RAI1: variants seen among roughly 807,000 people sequenced by gnomAD.
RAI1 encodes retinoic acid-induced protein 1.
RAI1 carries 9 observed loss-of-function variants against 123.8 expected under a neutral mutation model. The ratio of observed to expected loss-of-function variants is 0.07; its 90% CI spans 0.04 to 0.13. The LOEUF (loss-of-function observed/expected upper bound fraction) is 0.13, where lower values mean the gene tolerates loss of function less well. Ranked by LOEUF, RAI1 falls within the 10% of genes least tolerant of loss-of-function variation. The pLI, the probability that RAI1 is intolerant of heterozygous loss-of-function variation, is 1.00. For missense variants in RAI1, 2,256 were observed against 2,545.8 expected (o/e 0.89, Z 2.45); for synonymous variants, 1,231 against 1,127.3 (o/e 1.09, Z -1.84).
intron 2 of RAI1, among the ~76,000 whole-genome samples, chr17:17,730,975 GC>G (rs1273251239): frequency 1.7e-4 from 26 of 152,338 alleles, no homozygotes; most frequent in African/African-American, 6.3e-4. Flanking sequence ...CCGAGAGAGA[GC>G]CCTTTCTAGG....
chr17:17,796,024 C>T lies in RAI1; in HGVS notation c.3076C>T (p.Leu1026Phe). ...ACCAGTGCTGCCCAAAGACCTCTTG[C>T]TCCCTGAATCCTGCACAGGGCCCCC... ...RAPVLPKDLL[L>F]PESCTGPPQG... Residue 1026 changes from leucine (L) to phenylalanine (F), a missense_variant, in exon 3 of 6, where the codon CTC becomes TTC. Transcript: ENST00000353383. This position sits in a 1 kb window ranked among gnomAD's most constrained non-coding sequence, Gnocchi z 5.8. 6.3e-7 allele frequency: 1 copy of T among 1,592,366 alleles called. No homozygotes were observed. The highest frequency in any genetic ancestry group is 2.3e-5 in the East Asian group (1 of 43,982).
intron 2 of RAI1, among the ~76,000 whole-genome samples, chr17:17,754,178 C>T (rs1488368561): frequency 1.4e-5 from 2 of 145,152 alleles, no homozygotes; most frequent in Non-Finnish European, 3.0e-5. Context: ...TTATGCCATT[C>T]GCCTAACCCA....
intron 2 of RAI1, among the ~76,000 whole-genome samples, chr17:17,741,084 C>T (rs781035520): frequency 2.4e-4 from 18 of 73,884 alleles, no homozygotes; most frequent in Non-Finnish European, 4.9e-4. Flanking sequence ...TCAGCACAAG[C>T]GCGCGCGCAC....
Position 17,793,361 on chromosome 17 carries a change from T to A in RAI1, c.413T>A (p.Val138Glu), listed in dbSNP as rs1353030464. Residue 138 changes from valine to glutamate, a missense_variant, in exon 3 of 6, where the codon GTG becomes GAG. Val to Glu is a moderately radical substitution (Grantham distance 121, BLOSUM62 -2). This residue lies in a region of RAI1 where 336 missense variants were observed against 349.8 expected (regional missense o/e 0.96). Coordinates refer to ENST00000353383, the MANE Select transcript of RAI1 (RefSeq NM_030665.4). ...CAGCCGCAGCCACTACCTGCAGGGG[T>A]GGCCAAGTATGATGAGAACTTGATG... The part of the protein sequence containing the change: ...PPQPQPLPAG[V>E]AKYDENLMKK... 1 of 1,612,844 alleles carries A rather than the reference T, an allele frequency of 6.2e-7. No individual in the cohort carries two copies. Among genetic ancestry groups the A allele is most frequent in the Non-Finnish European group, 8.5e-7 (1 of 1,179,814 alleles).
At chr17:17,683,344 C>A (rs535448622) in intron 1 of RAI1, among the ~76,000 whole-genome samples, 1 of 152,188 alleles carries the variant, frequency 6.6e-6, no homozygotes, top group Admixed American at 6.5e-5. Flanking sequence ...GCCCCTGCCC[C>A]CCTCCATTCT....
chr17:17,690,125 C>G (rs1914787040), intron 1 of RAI1, among the ~76,000 whole-genome samples: 1 of 152,208 alleles, frequency 6.6e-6, no homozygotes, highest in Non-Finnish European at 1.5e-5. Flanking sequence ...TGGCTCACGC[C>G]TGCAATCCCA....
intron 2 of RAI1, among the ~76,000 whole-genome samples, chr17:17,730,919 C>T (rs1008309386): frequency 1.3e-5 from 2 of 152,230 alleles, no homozygotes; most frequent in African/African-American, 4.8e-5. Flanking sequence ...GGCCTTACTT[C>T]GGGCCCACTC....
At chr17:17,777,409 C>T (rs2031384573) in intron 2 of RAI1, 1 of 152,278 alleles carries the variant, frequency 6.6e-6, no homozygotes, top group Non-Finnish European at 1.5e-5. Flanking sequence ...CCGTTACCAA[C>T]TGCAAGATCT....
chr17:17,700,190 C>G (rs373451797), intron 1 of RAI1, among the ~76,000 whole-genome samples: 18 of 152,368 alleles, frequency 1.2e-4, no homozygotes, highest in African/African-American at 4.1e-4. Context: ...GAAAGCACAT[C>G]TGCTCTCTAG....
intron 2 of RAI1, among the ~76,000 whole-genome samples, chr17:17,724,545 C>T (rs900241769): frequency 2.0e-5 from 3 of 150,862 alleles, no homozygotes; most frequent in Non-Finnish European, 4.4e-5. Context: ...GCTGAGATGG[C>T]GGGGCTGGTG....
chr17:17,793,577 C>T lies in RAI1; in HGVS notation c.629C>T (p.Pro210Leu). 1 of 1,613,880 alleles carries T rather than the reference C, an allele frequency of 6.2e-7. No homozygotes were observed. Among genetic ancestry groups the T allele is most frequent in the Middle Eastern group, 1.6e-4 (1 of 6,062 alleles). ...PLPFPQGTHF[P>L]QHSQSFPTSS... ...CCCTTCCCCCAGGGTACCCACTTTC[C>T]TCAGCATTCCCAGTCCTTCCCCACC... The change falls in exon 3 of 6, where the codon CCT (proline) becomes CTT (leucine). Residue 210 changes from proline (P) to leucine (L), a missense_variant. This residue lies in a region of RAI1 where 336 missense variants were observed against 349.8 expected (regional missense o/e 0.96). Transcript: ENST00000353383.
In RAI1 at chr17:17,810,531, G is replaced by A. The variant is rs1419352837; in HGVS notation, c.*550G>A. 4 of 284,218 alleles carry A rather than the reference G, an allele frequency of 1.4e-5. No individual in the cohort carries two copies. The highest frequency in any genetic ancestry group is 9.2e-5 in the African/African-American group (4 of 43,304). 17.6% of individuals were successfully genotyped at this position (284,218 alleles called of 1,614,324 possible). A position where few individuals can be genotyped will look rare whatever the true frequency, so the allele number is the denominator to read the frequency against. On this transcript the variant is annotated 3_prime_UTR_variant, in exon 6 of 6. Coordinates refer to ENST00000353383, the MANE Select transcript of RAI1 (RefSeq NM_030665.4). The surrounding 1 kb of genome is among the most constrained non-coding windows in gnomAD (Gnocchi z 4.6). ...AGGAAGCCTTTCTGAGAGCGGGCTA[G>A]GCCGGCACTGGAGAGGCCGGAGCCT...
chr17:17,689,940 C>T (rs1914780576), intron 1 of RAI1, among the ~76,000 whole-genome samples: 1 of 152,148 alleles, frequency 6.6e-6, no homozygotes, highest in African/African-American at 2.4e-5. Context: ...GCCAAAGCCC[C>T]CCAACTCCTT....
chr17:17,684,247 A>G (rs772628970), intron 1 of RAI1: 7 of 152,194 alleles, frequency 4.6e-5, no homozygotes, highest in Non-Finnish European at 8.8e-5. Context: ...TAAGAAATAC[A>G]TCGTAGGTAA....
intron 1 of RAI1, among the ~76,000 whole-genome samples, chr17:17,722,873 C>G (rs1251835748): frequency 6.6e-6 from 1 of 152,200 alleles, no homozygotes; most frequent in Non-Finnish European, 1.5e-5. Context: ...CTACACGTCG[C>G]GCTGCGCCGC....
chr17:17,684,078 G>C (rs1250456079), intron 1 of RAI1: 1 of 151,562 alleles, frequency 6.6e-6, no homozygotes, highest in Non-Finnish European at 1.5e-5. Flanking sequence ...CAGGGGTCTT[G>C]CCATGGCTGG....
intron 1 of RAI1, among the ~76,000 whole-genome samples, chr17:17,711,803 C>G (rs774384974): frequency 1.3e-5 from 2 of 152,252 alleles, no homozygotes; most frequent in Non-Finnish European, 2.9e-5. Flanking sequence ...GGCCCGGGCT[C>G]TGTCCCAGGG....
intron 1 of RAI1, among the ~76,000 whole-genome samples, chr17:17,682,030 G>C (rs939418082): frequency 9.9e-5 from 15 of 151,082 alleles, no homozygotes; most frequent in Non-Finnish European, 2.2e-4. Context: ...CCTGCGCCGC[G>C]GCTGAGGGTC....
chr17:17,784,906 C>T (rs909868050), intron 2 of RAI1, among the ~76,000 whole-genome samples: 4 of 152,092 alleles, frequency 2.6e-5, no homozygotes, highest in Admixed American at 2.6e-4. Flanking sequence ...CTTTGCAGCC[C>T]CCCAGTCCCA....
Sources: gnomAD v4.1 joint callset for allele counts (sites outside exome capture counted in the v4.1 genomes callset) on GRCh38, gnomAD v4.1.1 for gene constraint, gnomAD v4.1.1 regional missense constraint, Gnocchi (gnomAD v3.1) non-coding constraint, MANE v1.5 for transcripts, NCBI Gene and HGNC (gene_info 2026-07-23, HGNC 2026-07-21) for gene names.